The following PLXDC2 variants were observed in gnomAD, a reference collection of about 807,000 sequenced individuals.
PLXDC2 encodes plexin domain-containing protein 2.
PLXDC2 carries 40 observed loss-of-function variants against 68.9 expected under a neutral mutation model. The observed-to-expected ratio is 0.58, with a 90% CI of 0.45 to 0.76. The LOEUF is 0.76. PLXDC2 is among the 30% of genes least tolerant of loss of function. PLXDC2 has a pLI of 0.00. For missense variants in PLXDC2, 644 were observed against 661.9 expected (o/e 0.97, Z 0.30); for synonymous variants, 243 against 234.2 (o/e 1.04, Z -0.34).
At chr10:20,237,153 G>A (rs1156628913) in intron 12 of PLXDC2, among the ~76,000 whole-genome samples, 2 of 152,194 alleles carry the variant, frequency 1.3e-5, no homozygotes, top group African/African-American at 4.8e-5. Context: ...CATACATAAT[G>A]TCCTTAGATG....
At chr10:20,145,362 T>C (rs1358466531) in intron 5 of PLXDC2, among the ~76,000 whole-genome samples, 3 of 152,198 alleles carry the variant, frequency 2.0e-5, no homozygotes, top group Non-Finnish European at 4.4e-5. Context: ...CACAACAACT[T>C]GCTGAAATAT....
At chr10:20,158,813 G>A (rs1338217784) in intron 6 of PLXDC2, among the ~76,000 whole-genome samples, 1 of 152,066 alleles carries the variant, frequency 6.6e-6, no homozygotes, top group Admixed American at 6.6e-5. Flanking sequence ...GGTGTGGAGA[G>A]GCAGACATGT....
chr10:20,087,804 G>A (rs987145226), intron 4 of PLXDC2, among the ~76,000 whole-genome samples: 2 of 152,304 alleles, frequency 1.3e-5, no homozygotes, highest in Admixed American at 1.3e-4. Flanking sequence ...TTACGGGACT[G>A]TGGTTTTCAT....
intron 1 of PLXDC2, among the ~76,000 whole-genome samples, chr10:19,900,719 C>T (rs1469863213): frequency 6.6e-6 from 1 of 151,896 alleles, no homozygotes; most frequent in Non-Finnish European, 1.5e-5. Flanking sequence ...AAGCAGTGTA[C>T]ATTGTACCCA....
rs952491406 is a variant in PLXDC2 at position 19,958,301 on chromosome 10, C to T, written c.113-43474C>T. 5.3e-5 allele frequency among the ~76,000 whole-genome samples: 8 copies of T among 152,074 alleles called. No individual in the cohort carries two copies. The East Asian group carries it at 1.3e-3, about 26-fold the overall frequency. ...ATAACTAATTCCATGGCTTTGTTCACACCTGTCTCATGCTATTGTGGAAAG... is the reference window on the plus strand; with the variant it reads ...ATAACTAATTCCATGGCTTTGTTCATACCTGTCTCATGCTATTGTGGAAAG... On this transcript the variant is annotated intron_variant, in intron 1 of 13. Coordinates refer to ENST00000377252, the MANE Select transcript of PLXDC2 (RefSeq NM_032812.9).
chr10:20,138,071 C>T (rs933104506), intron 4 of PLXDC2, among the ~76,000 whole-genome samples: 19 of 152,198 alleles, frequency 1.2e-4, no homozygotes, highest in South Asian at 8.3e-4. Flanking sequence ...CTTAAATGTA[C>T]GTAGAGCTCA....
intron 1 of PLXDC2, among the ~76,000 whole-genome samples, chr10:19,887,376 C>G (rs1214076247): frequency 6.6e-6 from 1 of 151,990 alleles, no homozygotes; most frequent in Non-Finnish European, 1.5e-5. Flanking sequence ...CAAAAATTAG[C>G]GAGGTGTGGT....
At chr10:20,256,259 A>G (rs1319953484) in intron 13 of PLXDC2, among the ~76,000 whole-genome samples, 1 of 151,440 alleles carries the variant, frequency 6.6e-6, no homozygotes, top group Non-Finnish European at 1.5e-5. Context: ...CAGCCTCCCA[A>G]GTAGCTGGGA....
chr10:20,250,273 A>AG (rs1298351553), intron 13 of PLXDC2, among the ~76,000 whole-genome samples: 7 of 145,672 alleles, frequency 4.8e-5, no homozygotes, highest in Non-Finnish European at 7.5e-5. Flanking sequence ...TCCTGTTTCA[A>AG]AAAAAAAAAA....
Position 20,282,128 on chromosome 10 carries a change from A to G in PLXDC2, c.*2309A>G, listed in dbSNP as rs913994447. 2 of 152,210 alleles carry G rather than the reference A, an allele frequency of 1.3e-5. No homozygotes were observed. The highest frequency in any genetic ancestry group is 4.8e-5 in the African/African-American group (2 of 41,468). The allele number at this position is 152,210 out of a possible 1,614,324, so 9.4% of individuals were successfully genotyped here. A position where few individuals can be genotyped will look rare whatever the true frequency, so the allele number is the denominator to read the frequency against. ...ACATAAACACTGAATTCTTCAGTGA[A>G]CCAAAGCAACAAATAATAGAGAAAA... is the stretch of plus-strand genomic sequence containing the variant. On this transcript the variant is annotated 3_prime_UTR_variant, in exon 14 of 14. Transcript: ENST00000377252.
At chr10:19,866,498 G>A (rs778702008) in intron 1 of PLXDC2, among the ~76,000 whole-genome samples, 2 of 152,162 alleles carry the variant, frequency 1.3e-5, no homozygotes, top group Non-Finnish European at 2.9e-5. Flanking sequence ...GGCCCACATG[G>A]ATAATTGAGG....
chr10:19,983,032 T>G (rs1190537462), intron 1 of PLXDC2, among the ~76,000 whole-genome samples: 1 of 152,220 alleles, frequency 6.6e-6, no homozygotes, highest in Non-Finnish European at 1.5e-5. Flanking sequence ...TTTACACCAT[T>G]TATATGTTCT....
chr10:20,279,736 A>G lies in PLXDC2; in HGVS notation c.1507A>G (p.Arg503Gly), dbSNP rs540492029. Residue 503 changes from arginine (R) to glycine (G), a missense_variant, in exon 14 of 14, where the codon AGA becomes GGA. Physicochemically the swap from Arg to Gly is moderately radical, Grantham distance 125 (BLOSUM62 -2). This residue lies in a region of PLXDC2 where 330 missense variants were observed against 327.9 expected (regional missense o/e 1.01). Coordinates refer to ENST00000377252, the MANE Select transcript of PLXDC2 (RefSeq NM_032812.9). The part of the protein sequence containing the change: ...RPSRWPAMKF[R>G]RGSGHPAYAE... ...AAGCAGATGGCCTGCGATGAAGTTT[A>G]GAAGAGGCTCTGGACATCCTGCCTA... 1.2e-6 allele frequency: 2 copies of G among 1,613,968 alleles called. No individual in the cohort carries two copies. The highest frequency in any genetic ancestry group is 1.7e-6 in the Non-Finnish European group (2 of 1,179,918).
chr10:19,980,902 C>T (rs10047272), intron 1 of PLXDC2, among the ~76,000 whole-genome samples: 20,467 of 152,096 alleles, frequency 0.13, 1,508 homozygotes, highest in African/African-American at 0.17. Flanking sequence ...GGTTTTATAA[C>T]TTTTGTTGTA....
rs1194303252 is a variant in PLXDC2 at position 20,046,819 on chromosome 10, G to A, written c.325-50G>A. The A allele has an allele frequency of 2.6e-6, 4 of 1,517,834 alleles. No homozygotes were observed. The African/African-American group carries it at 4.2e-5, about 16-fold the overall frequency. The allele number at this position is 1,517,834 out of a possible 1,614,324, so 94.0% of individuals were successfully genotyped here. ...TCAATAGGATTTTTTTTAAAGAATT[G>A]TAGGTAAAACATCTCGGTTCTTGAT... is the stretch of plus-strand genomic sequence containing the variant. On this transcript the variant is annotated intron_variant, in intron 2 of 13. Coordinates refer to ENST00000377252, the MANE Select transcript of PLXDC2 (RefSeq NM_032812.9).
intron 1 of PLXDC2, among the ~76,000 whole-genome samples, chr10:19,917,366 C>T (rs912417086): frequency 1.3e-5 from 2 of 152,060 alleles, no homozygotes; most frequent in Non-Finnish European, 2.9e-5. Context: ...ACCTTATAAA[C>T]AAAAATATAT....
chr10:20,117,104 A>C (rs76357137), intron 4 of PLXDC2, among the ~76,000 whole-genome samples: 4,521 of 152,240 alleles, frequency 0.03, 96 homozygotes, highest in Non-Finnish European at 0.046. Flanking sequence ...TAAAATCAAT[A>C]TATAAAGTCA....
chr10:20,005,229 C>A (rs2131640125), intron 2 of PLXDC2, among the ~76,000 whole-genome samples: 1 of 152,218 alleles, frequency 6.6e-6, no homozygotes, highest in Middle Eastern at 3.4e-3. Flanking sequence ...CAGCAGCAGC[C>A]CATGAGTATC....
intron 4 of PLXDC2, among the ~76,000 whole-genome samples, chr10:20,107,653 A>C (rs912498144): frequency 2.6e-5 from 4 of 152,194 alleles, no homozygotes; most frequent in African/African-American, 9.6e-5. Context: ...GTTATTATGC[A>C]AAGGTGACTT....
Sources: allele counts gnomAD v4.1 joint callset (sites outside exome capture counted in the v4.1 genomes callset), GRCh38; gene constraint gnomAD v4.1.1; regional missense constraint gnomAD v4.1.1; transcripts MANE v1.5; gene names NCBI Gene and HGNC (gene_info 2026-07-23, HGNC 2026-07-21).